The following OBSL1 variants were observed in gnomAD, a reference collection of about 807,000 sequenced individuals.
OBSL1 encodes obscurin like cytoskeletal adaptor 1, also known as obscurin-like protein 1.
OBSL1 carries 160 observed loss-of-function variants against 172.0 expected under a neutral mutation model. The observed-to-expected ratio is 0.93, with a 90% CI of 0.82 to 1.06. OBSL1 has a LOEUF of 1.06. Among genes scored for constraint, OBSL1 ranks in the 50% least tolerant of loss-of-function variants. The probability of loss-of-function intolerance (pLI) is 0.00; values close to 1 mark genes in which losing one functional copy is unlikely to be tolerated. For missense variants in OBSL1, 2,681 were observed against 2,715.4 expected, an observed-to-expected ratio of 0.99 and a Z score of 0.28; for synonymous variants, 1,200 against 1,196.3, an observed-to-expected ratio of 1.00 and a Z score of -0.06.
At chr2:219,562,018 A>T in intron 8 of OBSL1, 1 of 717,514 alleles carries the variant, frequency 1.4e-6, no homozygotes, top group Non-Finnish European at 2.6e-6. Flanking sequence ...TCTGCAGACC[A>T]AACAAAGCAC....
intron 7 of OBSL1, 196 bp downstream of exon 7, chr2:219,563,159 G>A (rs1181375905): frequency 8.7e-6 from 5 of 577,826 alleles, no homozygotes; most frequent in Non-Finnish European, 1.5e-5. Flanking sequence ...CCTTAGCCAA[G>A]ACCAATGTGC....
At position 219,565,248 on chromosome 2, in the gene OBSL1, C is replaced by G. The variant is rs759619585; in HGVS notation, c.2401G>C (p.Val801Leu). The change falls in exon 6 of 21, where the codon GTC becomes CTC. Residue 801 changes from valine (V) to leucine (L), a missense_variant. Coordinates refer to ENST00000404537, the MANE Select transcript of OBSL1 (RefSeq NM_015311.3). ...GGCTGGCATGCTTCCTGACCTTGGACAGTGACGCCGAAGAAGGCCGAGACC... is the reference window on the plus strand; with the variant it reads ...GGCTGGCATGCTTCCTGACCTTGGAGAGTGACGCCGAAGAAGGCCGAGACC... Reference protein sequence around the residue: ...EGVSAFFGVTVQDPPVHIVDP... With the variant: ...EGVSAFFGVTLQDPPVHIVDP... The G allele has an allele frequency of 6.2e-7, 1 of 1,609,046 alleles. No homozygotes were observed. Among genetic ancestry groups the G allele is most frequent in the African/African-American group, 1.3e-5 (1 of 74,970 alleles).
chr2:219,549,449 TAGA>T (rs1695486597), downstream of OBSL1: 24 of 1,432,004 alleles, frequency 1.7e-5, no homozygotes, highest in Admixed American at 9.6e-5. Context: ...GGTTGCTATC[TAGA>T]AGGCCTGTTT....
intron 12 of OBSL1, chr2:219,556,983 A>G: frequency 1.9e-6 from 1 of 513,500 alleles, no homozygotes; most frequent in Non-Finnish European, 3.4e-6. Context: ...GACCCTATTT[A>G]CAGCATTTAC....
chr2:219,567,840 A>T lies in OBSL1; in HGVS notation c.1412T>A (p.Ile471Asn). The T allele has an allele frequency of 6.2e-7, 1 of 1,613,914 alleles. No individual in the cohort carries two copies. The highest frequency in any genetic ancestry group is 1.1e-5 in the South Asian group (1 of 91,086). ...CATGTGGCCTGAGCTGCTCTGGCAG[A>T]TGACCGGCAGCTCCTCCCCATCACG... ...WSRDGEELPV[I>N]CQSSSGHMHA... Residue 471 changes from isoleucine to asparagine, a missense_variant, in exon 3 of 21, where the codon ATC becomes AAC. By Grantham distance (149) the Ile-to-Asn change is moderately radical (BLOSUM62 -3). Around this residue, in one of 5 missense-constraint regions of OBSL1, gnomAD observed 706 missense variants for 695.8 expected, o/e 1.01. Coordinates refer to ENST00000404537, the MANE Select transcript of OBSL1 (RefSeq NM_015311.3).
intron 19 of OBSL1, 22 bp downstream of exon 19, chr2:219,552,090 C>T (rs1242809554): frequency 1.9e-6 from 3 of 1,582,698 alleles, no homozygotes; most frequent in Non-Finnish European, 2.6e-6. Context: ...CACTCTCTGT[C>T]GCTCCCACCC....
chr2:219,564,880 C>T (rs919131244), intron 6 of OBSL1, among the ~76,000 whole-genome samples: 3 of 152,176 alleles, frequency 2.0e-5, no homozygotes, highest in African/African-American at 7.2e-5. Flanking sequence ...GTGACCTAAC[C>T]AACATAGTGA....
chr2:219,551,179 C>G (rs1695586804), intron 20 of OBSL1: 5 of 1,387,068 alleles, frequency 3.6e-6, no homozygotes, highest in Non-Finnish European at 4.7e-6. Flanking sequence ...GGAGGAGGGA[C>G]AGGCTGGAGG....
chr2:219,571,143 C>A lies in OBSL1; in HGVS notation c.90G>T (p.Glu30Asp). The A allele has an allele frequency of 6.7e-7, 1 of 1,486,310 alleles. No individual in the cohort carries two copies. The highest frequency in any genetic ancestry group is 8.9e-7 in the Non-Finnish European group (1 of 1,122,760). The allele number at this position is 1,486,310 out of a possible 1,614,324, so 92.1% of individuals were successfully genotyped here. A position where few individuals can be genotyped will look rare whatever the true frequency, so the allele number is the denominator to read the frequency against. ...PVRVVSGAEA[E>D]LKCVVLGEPP... The stretch of plus-strand genomic sequence containing the variant: ...GCTCCCCCAGGACCACGCACTTGAG[C>A]TCGGCCTCGGCGCCACTTACCACCC... The change falls in exon 1 of 21, where the codon GAG becomes GAT. Residue 30 changes from glutamate (E) to aspartate (D), a missense_variant. Around this residue, in one of 5 missense-constraint regions of OBSL1, gnomAD observed 90 missense variants for 76.6 expected, o/e 1.18. Coordinates refer to ENST00000404537, the MANE Select transcript of OBSL1 (RefSeq NM_015311.3).
rs1215945247 is a variant in OBSL1, at chr2:219,552,967, G to A, written c.5047C>T (p.Arg1683Cys). The A allele has an allele frequency of 6.5e-7, 1 of 1,532,192 alleles. No homozygotes were observed. Among genetic ancestry groups the A allele is most frequent in the Non-Finnish European group, 8.7e-7 (1 of 1,143,442 alleles). 94.9% of individuals were successfully genotyped at this position (1,532,192 alleles called of 1,614,324 possible). ...RLRLQALGTR[R>C]LLQLRRCGPS... ...CCGCAGCGTCGCAGCTGGAGAAGGC[G>A]GCGCGTGCCGAGGGCCTGGAGCCGG... Residue 1683 changes from arginine (R) to cysteine (C), a missense_variant, in exon 17 of 21, where the codon CGC becomes TGC. Around this residue, in one of 5 missense-constraint regions of OBSL1, gnomAD observed 1,765 missense variants for 1,748.3 expected, o/e 1.01. Transcript: ENST00000404537.
chr2:219,550,554 A>G (rs1325865246), downstream of OBSL1: 1 of 498,692 alleles, frequency 2.0e-6, no homozygotes, highest in Non-Finnish European at 3.6e-6. Context: ...TCTGTTTTAC[A>G]TCTTTTATAA....
At chr2:219,549,374 C>A (rs1335871240), downstream of OBSL1, 1 of 1,600,728 alleles carries the variant, frequency 6.2e-7, no homozygotes, top group Non-Finnish European at 8.5e-7. Context: ...CTGAGCCCAT[C>A]CAGCCAGAAT....
In OBSL1 at chr2:219,557,346, C is replaced by T; in HGVS notation, c.4063G>A (p.Glu1355Lys). 1 of 1,495,718 alleles carries T rather than the reference C, an allele frequency of 6.7e-7. No individual in the cohort carries two copies. The highest frequency in any genetic ancestry group is 9.0e-7 in the Non-Finnish European group (1 of 1,116,856). The allele number at this position is 1,495,718 out of a possible 1,614,324, so 92.7% of individuals were successfully genotyped here. A position where few individuals can be genotyped will look rare whatever the true frequency, so the allele number is the denominator to read the frequency against. The stretch of plus-strand genomic sequence containing the variant: ...GGTGTGAGGGGTACACTGTTACCTT[C>T]CACGCTGACAAGGAAGATGCGGCTG... ...QDSRIFLVSVEEPLLVKLVSE... is the reference protein window; with the variant it reads ...QDSRIFLVSVKEPLLVKLVSE... Residue 1355 changes from glutamate to lysine, a missense_variant, in exon 12 of 21, where the codon GAA (glutamate) becomes AAA (lysine). Physicochemically the swap from Glu to Lys is moderately conservative, Grantham distance 56. This residue lies in a region of OBSL1 where 1,765 missense variants were observed against 1,748.3 expected (regional missense o/e 1.01). Transcript: ENST00000404537.
downstream of OBSL1, chr2:219,549,177 C>T (rs146490860): frequency 1.2e-5 from 20 of 1,613,944 alleles, no homozygotes; most frequent in African/African-American, 1.7e-4. Flanking sequence ...AGCGCCGACG[C>T]GTGCAACTGA....
downstream of OBSL1, chr2:219,547,767 C>T: frequency 1.9e-6 from 3 of 1,594,480 alleles, no homozygotes; most frequent in Non-Finnish European, 2.5e-6. Context: ...TACTACCAGC[C>T]AGGCTCCGTG....
intron 5 of OBSL1, among the ~76,000 whole-genome samples, chr2:219,565,897 T>G (rs1696854760): frequency 6.6e-6 from 1 of 152,118 alleles, no homozygotes; most frequent in Non-Finnish European, 1.5e-5. Context: ...GCCGACAGAT[T>G]CCTTGATTGG....
In OBSL1 at chr2:219,552,530, G is replaced by A. The variant is rs1439918752; in HGVS notation, c.5308+6C>T. Reference sequence around the variant, plus strand: ...GGGGCCCGAAAGGGTAACCAGGCGGGCAGACCTTCCTGTCGGATGCGGACG... The same window carrying A: ...GGGGCCCGAAAGGGTAACCAGGCGGACAGACCTTCCTGTCGGATGCGGACG... On this transcript the variant is annotated splice_donor_region_variant and intron_variant, in intron 18 of 20. Coordinates refer to ENST00000404537, the MANE Select transcript of OBSL1 (RefSeq NM_015311.3). The A allele has an allele frequency of 1.3e-6, 2 of 1,594,798 alleles. No homozygotes were observed. Among genetic ancestry groups the A allele is most frequent in the Non-Finnish European group, 1.7e-6 (2 of 1,177,120 alleles).
chr2:219,562,332 G>A (rs1299580077), intron 8 of OBSL1, 70 bp downstream of exon 8: 1 of 1,558,804 alleles, frequency 6.4e-7, no homozygotes, highest in Non-Finnish European at 8.7e-7. Flanking sequence ...GCTAGCTGGG[G>A]CTATGTGGCC....
At position 219,570,721 on chromosome 2, in the gene OBSL1, A is replaced by T; in HGVS notation, c.512T>A (p.Val171Glu). The change falls in exon 1 of 21, where the codon GTG becomes GAG. Residue 171 changes from valine to glutamate, a missense_variant. Physicochemically the swap from Val to Glu is moderately radical, Grantham distance 121. Around this residue, in one of 5 missense-constraint regions of OBSL1, gnomAD observed 706 missense variants for 695.8 expected, o/e 1.01. Transcript: ENST00000404537. ...WEKDGMALDE[V>E]WDSSHFALQP... Reference sequence around the variant, plus strand: ...GAGCGCGAAGTGGCTGCTGTCCCACACTTCGTCCAGGGCCATCCCGTCCTT... The same window carrying T: ...GAGCGCGAAGTGGCTGCTGTCCCACTCTTCGTCCAGGGCCATCCCGTCCTT... 6.6e-7 allele frequency: 1 copy of T among 1,510,686 alleles called. No homozygotes were observed. Among genetic ancestry groups the T allele is most frequent in the Middle Eastern group, 1.7e-4 (1 of 5,898 alleles). The allele number at this position is 1,510,686 out of a possible 1,614,324, so 93.6% of individuals were successfully genotyped here. A position where few individuals can be genotyped will look rare whatever the true frequency, so the allele number is the denominator to read the frequency against.
Sources: allele counts gnomAD v4.1 joint callset (sites outside exome capture counted in the v4.1 genomes callset), GRCh38; gene constraint gnomAD v4.1.1; regional missense constraint gnomAD v4.1.1; transcripts MANE v1.5; gene names NCBI Gene and HGNC (gene_info 2026-07-23, HGNC 2026-07-21).